WTIP: variants seen among roughly 807,000 people sequenced by gnomAD.
WTIP encodes the protein Wilms tumor protein 1-interacting protein.
Under a neutral mutation model 41.7 loss-of-function variants are expected in WTIP, and 23 were observed. The observed-to-expected ratio is 0.55, with a 90% confidence interval of 0.40 to 0.78. The LOEUF is 0.78. WTIP is among the 30% of genes least tolerant of loss of function. The pLI is 0.00. For missense variants in WTIP, 619 were observed against 610.5 expected (o/e 1.01, Z -0.15); for synonymous variants, 314 against 269.9 (o/e 1.16, Z -1.60).
At chr19:34,495,600 A>G in intron 6 of WTIP, 103 bp from the exon 7 acceptor site, 1 of 1,357,696 alleles carries the variant, frequency 7.4e-7, no homozygotes, top group African/African-American at 1.4e-5. Flanking sequence ...GCGGGCGTGC[A>G]CCTCCGCCGG....
intron 2 of WTIP, among the ~76,000 whole-genome samples, chr19:34,492,082 T>C (rs2075828254): frequency 1.3e-5 from 2 of 151,532 alleles, no homozygotes; most frequent in Non-Finnish European, 2.9e-5. Flanking sequence ...GCATACTCTT[T>C]AATGGCTGAT....
Position 34,493,461 on chromosome 19 carries a change from G to C in WTIP, c.901-31G>C. ...CAGGGCGGTGCTGAGCCTCCTGCCC[G>C]CGCTGACCCCTCAGTGTGCCCCGCC... On this transcript the variant is annotated intron_variant, in intron 4 of 7. Transcript: ENST00000590071. The surrounding 1 kb of genome is among the most constrained non-coding windows in gnomAD (Gnocchi z 4.1). 3 of 1,611,578 alleles carry C rather than the reference G, an allele frequency of 1.9e-6. No individual in the cohort carries two copies. The highest frequency in any genetic ancestry group is 2.5e-6 in the Non-Finnish European group (3 of 1,179,232).
intron 1 of WTIP, among the ~76,000 whole-genome samples, chr19:34,485,595 A>ATT (rs780006743): frequency 2.1e-5 from 3 of 142,798 alleles, no homozygotes; most frequent in Non-Finnish European, 1.5e-5. Flanking sequence ...TTTTAAATTA[A>ATT]TTTTTTTTTT....
chr19:34,500,520 T>C lies in WTIP; in HGVS notation c.*251T>C. 2.0e-6 allele frequency: 1 copy of C among 497,188 alleles called. No individual in the cohort carries two copies. The highest frequency in any genetic ancestry group is 3.4e-6 in the Non-Finnish European group (1 of 290,764). 30.8% of individuals were successfully genotyped at this position (497,188 alleles called of 1,614,324 possible). On this transcript the variant is annotated 3_prime_UTR_variant, in exon 8 of 8. Coordinates refer to ENST00000590071, the MANE Select transcript of WTIP (RefSeq NM_001080436.2). ...TTCCACTTGGAGGCCCCCTGTGCCC[T>C]GCAGCCTCAGGGTAGGCCGTGGGTC...
At chr19:34,486,200 C>T (rs144274503) in intron 1 of WTIP, among the ~76,000 whole-genome samples, 8 of 152,140 alleles carry the variant, frequency 5.3e-5, no homozygotes, top group South Asian at 4.2e-4. Flanking sequence ...CTGTAATCGC[C>T]GTCTGCCCAG....
In WTIP at chr19:34,511,550, A is replaced by G. The variant is rs10409991; in HGVS notation, c.*11281A>G. ...ATTTACCAAGGATCAAGACCTGAAC[A>G]TGAAAATGGCAGGCCAAGGGTTCCT... On this transcript the variant is annotated 3_prime_UTR_variant, in exon 8 of 8. Transcript: ENST00000590071. The G allele has an allele frequency of 0.46, 70,165 of 152,046 alleles. 17,493 individuals are homozygous for G. Among genetic ancestry groups the G allele is most frequent in the African/African-American group, 0.66 (27,173 of 41,468 alleles). 9.4% of individuals were successfully genotyped at this position (152,046 alleles called of 1,614,324 possible). A position where few individuals can be genotyped will look rare whatever the true frequency, so the allele number is the denominator to read the frequency against.
At position 34,482,786 on chromosome 19, in the gene WTIP, G is replaced by A. The variant is rs778002823; in HGVS notation, c.667+145G>A. ...AGTGCACGGGGTTGGGACGAGGAAG[G>A]TGCATCCCCTGGGGACTGGGGAGCG... On this transcript the variant is annotated intron_variant, in intron 1 of 7. Transcript: ENST00000590071. 1.2e-3 allele frequency: 1,391 copies of A among 1,201,970 alleles called. 2 individuals carry two copies. Among genetic ancestry groups the A allele is most frequent in the Non-Finnish European group, 1.3e-3 (1,294 of 968,976 alleles). 74.5% of individuals were successfully genotyped at this position (1,201,970 alleles called of 1,614,324 possible). A position where few individuals can be genotyped will look rare whatever the true frequency, so the allele number is the denominator to read the frequency against.
intron 1 of WTIP, among the ~76,000 whole-genome samples, 179 bp from the exon 2 acceptor site, chr19:34,490,197 C>A (rs904099581): frequency 6.6e-6 from 1 of 152,180 alleles, no homozygotes; most frequent in Non-Finnish European, 1.5e-5. Flanking sequence ...CAGCGGCAAT[C>A]CCTGGGTCGT....
At chr19:34,494,950 G>A (rs557174474) in intron 6 of WTIP, among the ~76,000 whole-genome samples, 44 of 152,346 alleles carry the variant, frequency 2.9e-4, no homozygotes, top group African/African-American at 1.0e-3. Flanking sequence ...GGGGGTGCTG[G>A]GGGAGCAGAT....
intron 2 of WTIP, 143 bp from the exon 3 acceptor site, chr19:34,492,894 C>A: frequency 2.8e-6 from 2 of 705,068 alleles, no homozygotes; most frequent in South Asian, 1.9e-5. Context: ...ATAACAATAA[C>A]AACATAATAT....
intron 1 of WTIP, 50 bp from the exon 2 acceptor site, chr19:34,490,326 G>T (rs776699832): frequency 1.3e-6 from 2 of 1,574,444 alleles, no homozygotes; most frequent in Non-Finnish European, 1.7e-6. Flanking sequence ...CGTCGGTGTG[G>T]CATAGGCTGT....
intron 1 of WTIP, among the ~76,000 whole-genome samples, chr19:34,483,107 CG>C (rs2075778556): frequency 6.8e-6 from 1 of 148,114 alleles, no homozygotes; most frequent in South Asian, 2.1e-4. Flanking sequence ...CAAGCTGAAG[CG>C]ATCCTCTCGC....
At chr19:34,484,158 C>T (rs915241060) in intron 1 of WTIP, among the ~76,000 whole-genome samples, 6 of 151,994 alleles carry the variant, frequency 3.9e-5, no homozygotes, top group African/African-American at 1.4e-4. Flanking sequence ...ATCTCCTGAC[C>T]TCATGATCCG....
chr19:34,496,620 T>G (rs2075855262), intron 7 of WTIP, among the ~76,000 whole-genome samples: 1 of 142,076 alleles, frequency 7.0e-6, no homozygotes, highest in South Asian at 2.2e-4. Flanking sequence ...CTGAGTTGAG[T>G]GATGGTTAGG....
chr19:34,490,623 AGGAGGCAT>A, intron 2 of WTIP, 146 bp downstream of exon 2: 1 of 905,894 alleles, frequency 1.1e-6, no homozygotes, highest in Non-Finnish European at 1.7e-6. Flanking sequence ...CTGTCTGGGG[AGGAGGCAT>A]GGGGCCCCTG....
rs370419173 is a variant in WTIP at position 34,503,484 on chromosome 19, A to T, written c.*3215A>T. The T allele has an allele frequency of 6.6e-6, 1 of 152,238 alleles. No homozygotes were observed. Among genetic ancestry groups the T allele is most frequent in the Non-Finnish European group, 1.5e-5 (1 of 68,098 alleles). 9.4% of individuals were successfully genotyped at this position (152,238 alleles called of 1,614,324 possible). The stretch of plus-strand genomic sequence containing the variant: ...TGACACTGACCCCATGATTATAGAG[A>T]TGGAGGATGCTGTGTGAGAACTGGG... On this transcript the variant is annotated 3_prime_UTR_variant, in exon 8 of 8. Coordinates refer to ENST00000590071, the MANE Select transcript of WTIP (RefSeq NM_001080436.2).
At chr19:34,482,890 C>T (rs1424900758) in intron 1 of WTIP, among the ~76,000 whole-genome samples, 1 of 152,078 alleles carries the variant, frequency 6.6e-6, no homozygotes, top group Non-Finnish European at 1.5e-5. Flanking sequence ...ACGAGGGGTT[C>T]TGGCCGAGTG....
Position 34,500,245 on chromosome 19 carries a change from C to T in WTIP, c.1269C>T (p.Pro423=). The T allele has an allele frequency of 6.2e-7, 1 of 1,608,508 alleles. No homozygotes were observed. Among genetic ancestry groups the T allele is most frequent in the Non-Finnish European group, 8.5e-7 (1 of 1,179,390 alleles). The change falls in exon 8 of 8, where the codon CCC becomes CCT. Residue 423 remains proline, a synonymous_variant. Coordinates refer to ENST00000590071, the MANE Select transcript of WTIP (RefSeq NM_001080436.2). ...RRLQPGPLPS[P]TVHVTEL ...TCCAACCTGGGCCTCTTCCCTCACC[C>T]ACTGTGCACGTCACTGAGCTCTGAG... is the stretch of plus-strand genomic sequence containing the variant.
At position 34,509,957 on chromosome 19, in the gene WTIP, C is replaced by G. The variant is rs908800730; in HGVS notation, c.*9688C>G. 1.3e-5 allele frequency: 2 copies of G among 152,198 alleles called. No individual in the cohort carries two copies. Among genetic ancestry groups the G allele is most frequent in the South Asian group, 2.1e-4 (1 of 4,824 alleles). 9.4% of individuals were successfully genotyped at this position (152,198 alleles called of 1,614,324 possible). A position where few individuals can be genotyped will look rare whatever the true frequency, so the allele number is the denominator to read the frequency against. On this transcript the variant is annotated 3_prime_UTR_variant, in exon 8 of 8. Coordinates refer to ENST00000590071, the MANE Select transcript of WTIP (RefSeq NM_001080436.2). The stretch of plus-strand genomic sequence containing the variant: ...TGTGTTCCCATAGTCGTAGGCAGCT[C>G]CACCCCTGTGGCTTTGCAGGGCATA...
Sources: gnomAD v4.1 joint callset for allele counts (sites outside exome capture counted in the v4.1 genomes callset) on GRCh38, gnomAD v4.1.1 for gene constraint, Gnocchi (gnomAD v3.1) non-coding constraint, MANE v1.5 for transcripts, NCBI Gene and HGNC (gene_info 2026-07-23, HGNC 2026-07-21) for gene names.